ADGRL2: variants seen among roughly 807,000 people sequenced by gnomAD.
ADGRL2 encodes calcium-independent alpha-latrotoxin receptor 2.
A neutral mutation model predicts 157.4 loss-of-function variants in ADGRL2; 44 were observed. The observed-to-expected ratio is 0.28, with a 90% CI of 0.22 to 0.36. The LOEUF is 0.36. ADGRL2 is among the 10% of genes least tolerant of loss of function. The probability of loss-of-function intolerance (pLI) is 1.00; values close to 1 mark genes in which losing one functional copy is unlikely to be tolerated. For synonymous variants in ADGRL2, 585 were observed against 624.7 expected, an observed-to-expected ratio of 0.94 and a Z score of 0.95; for missense variants, 1,510 against 1,768.9, an observed-to-expected ratio of 0.85 and a Z score of 2.63.
chr1:81,419,306 C>A (rs1221575565), intron 1 of ADGRL2, among the ~76,000 whole-genome samples: 2 of 152,142 alleles, frequency 1.3e-5, no homozygotes, highest in Non-Finnish European at 2.9e-5. Context: ...TGGGTTCAAG[C>A]AATTCTCCTG....
chr1:81,653,882 TA>T (rs1010804083), intron 3 of ADGRL2, among the ~76,000 whole-genome samples: 2 of 152,032 alleles, frequency 1.3e-5, no homozygotes, highest in Admixed American at 6.6e-5. Context: ...ACTCTACCTG[TA>T]AAAAAAATAC....
At chr1:81,432,246 G>A (rs528651087) in intron 1 of ADGRL2, among the ~76,000 whole-genome samples, 13 of 152,278 alleles carry the variant, frequency 8.5e-5, no homozygotes, top group African/African-American at 2.4e-4. Flanking sequence ...AGGCAGCATC[G>A]CTTTTCTGAC....
rs34701013 is a variant in ADGRL2, at chr1:81,425,860, A to AATTTATTT, written c.-301-19158_-301-19151dup. 5.0e-3 allele frequency among the ~76,000 whole-genome samples: 753 copies of AATTTATTT among 149,716 alleles called. 1 individual carries two copies. Among genetic ancestry groups the AATTTATTT allele is most frequent in the South Asian group, 0.015 (70 of 4,682 alleles). On this transcript the variant is annotated intron_variant, in intron 1 of 24. Transcript: ENST00000370721. ...AGACAGCTTAACAAAAGAAAATACAAATTTATTTATTTATTTATTTATTTA... is the reference window on the plus strand; with the variant it reads ...AGACAGCTTAACAAAAGAAAATACAAATTTATTTATTTATTTATTTATTTATTTATTTA...
intron 2 of ADGRL2, among the ~76,000 whole-genome samples, chr1:81,904,326 GA>G (rs1188739742): frequency 1.3e-5 from 2 of 152,062 alleles, no homozygotes; most frequent in Non-Finnish European, 2.9e-5. Flanking sequence ...AAAGAATTTA[GA>G]AAAGAACATT....
At chr1:81,410,232 A>G (rs578248936) in intron 1 of ADGRL2, among the ~76,000 whole-genome samples, 1 of 152,350 alleles carries the variant, frequency 6.6e-6, no homozygotes, top group Non-Finnish European at 1.5e-5. Context: ...TCATAGTCAT[A>G]CAATGATTTG....
Position 81,991,871 on chromosome 1 carries a change from C to A in ADGRL2, c.*726C>A, listed in dbSNP as rs1423699202. On this transcript the variant is annotated 3_prime_UTR_variant, in exon 24 of 24. Coordinates refer to ENST00000686636, the MANE Select transcript of ADGRL2 (RefSeq NM_001366006.2). ...AGTGAAGAAAATATTGTGAAAAGCTCTTGGTTGCACATGTTATGAAATGTT... is the reference window on the plus strand; with the variant it reads ...AGTGAAGAAAATATTGTGAAAAGCTATTGGTTGCACATGTTATGAAATGTT... 6.6e-6 allele frequency: 1 copy of A among 152,564 alleles called. No homozygotes were observed. Among genetic ancestry groups the A allele is most frequent in the East Asian group, 1.9e-4 (1 of 5,194 alleles). 9.5% of individuals were successfully genotyped at this position (152,564 alleles called of 1,614,324 possible). A position where few individuals can be genotyped will look rare whatever the true frequency, so the allele number is the denominator to read the frequency against.
intron 3 of ADGRL2, among the ~76,000 whole-genome samples, chr1:81,663,027 A>G (rs999910646): frequency 6.6e-6 from 1 of 151,972 alleles, no homozygotes; most frequent in African/African-American, 2.4e-5. Context: ...CAAGGTACTT[A>G]AACCTTATCT....
intron 1 of ADGRL2, among the ~76,000 whole-genome samples, chr1:81,441,424 C>T (rs752201552): frequency 6.6e-6 from 1 of 152,174 alleles, no homozygotes; most frequent in Non-Finnish European, 1.5e-5. Flanking sequence ...CTAATATCCC[C>T]ATCCCAGAAT....
Position 81,427,049 on chromosome 1 carries a change from C to T in ADGRL2, c.-301-17987C>T, listed in dbSNP as rs184735662. Reference sequence around the variant, plus strand: ...ATAACATTGTTATTCAGAAATACCACACTATTAATGGGCATAATTGTGAAG... The same window carrying T: ...ATAACATTGTTATTCAGAAATACCATACTATTAATGGGCATAATTGTGAAG... On this transcript the variant is annotated intron_variant, in intron 1 of 24. Coordinates refer to the ADGRL2 transcript ENST00000370721. 7.9e-5 allele frequency: 102 copies of T among 1,290,972 alleles called. No homozygotes were observed. In the East Asian group the frequency reaches 2.3e-3, roughly 29 times the overall value. 80.0% of individuals were successfully genotyped at this position (1,290,972 alleles called of 1,614,324 possible).
chr1:81,791,965 G>A (rs1355288564), intron 2 of ADGRL2, among the ~76,000 whole-genome samples: 1 of 152,158 alleles, frequency 6.6e-6, no homozygotes, highest in Non-Finnish European at 1.5e-5. Flanking sequence ...AAATCCTTAT[G>A]TCCTAATTAG....
chr1:81,397,079 A>G (rs2076668140), intron 1 of ADGRL2, among the ~76,000 whole-genome samples: 1 of 152,190 alleles, frequency 6.6e-6, no homozygotes, highest in Admixed American at 6.5e-5. Context: ...TCTTTGGTAT[A>G]ATTCAGCAGT....
At chr1:81,497,504 A>G (rs1026464569) in intron 2 of ADGRL2, among the ~76,000 whole-genome samples, 3 of 152,216 alleles carry the variant, frequency 2.0e-5, no homozygotes, top group Non-Finnish European at 4.4e-5. Flanking sequence ...ATCTTATAGA[A>G]CAAAAATGCT....
chr1:81,534,838 G>C (rs889916181), intron 2 of ADGRL2, among the ~76,000 whole-genome samples: 3 of 152,122 alleles, frequency 2.0e-5, no homozygotes, highest in Non-Finnish European at 4.4e-5. Flanking sequence ...ACAGAATAAT[G>C]CCACTATTCT....
chr1:81,690,495 CAAGAA>C (rs902999109), intron 3 of ADGRL2, among the ~76,000 whole-genome samples: 4 of 152,076 alleles, frequency 2.6e-5, no homozygotes, highest in African/African-American at 9.7e-5. Flanking sequence ...GACTCTGTCT[CAAGAA>C]AAGAAGACTG....
chr1:81,930,595 AT>A (rs1033946024), intron 3 of ADGRL2, among the ~76,000 whole-genome samples: 2 of 152,184 alleles, frequency 1.3e-5, no homozygotes, highest in African/African-American at 4.8e-5. Context: ...TTTTTGAAAT[AT>A]ATGTTGTGCA....
At chr1:81,574,986 C>G (rs539560718) in intron 2 of ADGRL2, among the ~76,000 whole-genome samples, 1 of 152,288 alleles carries the variant, frequency 6.6e-6, no homozygotes, top group Non-Finnish European at 1.5e-5. Flanking sequence ...CCTAAATTTC[C>G]TACATTAAAC....
chr1:81,577,495 A>T (rs1042256489), intron 2 of ADGRL2, among the ~76,000 whole-genome samples: 3 of 152,194 alleles, frequency 2.0e-5, no homozygotes, highest in Non-Finnish European at 4.4e-5. Context: ...TGACAGGCAG[A>T]CATATCAACC....
chr1:81,635,928 A>G (rs906036303), intron 3 of ADGRL2, among the ~76,000 whole-genome samples: 1 of 152,304 alleles, frequency 6.6e-6, no homozygotes, highest in East Asian at 1.9e-4. Context: ...TTATCATTCC[A>G]TGAGTTTATC....
At chr1:81,488,390 A>AC (rs1342658512) in intron 2 of ADGRL2, among the ~76,000 whole-genome samples, 1 of 152,190 alleles carries the variant, frequency 6.6e-6, no homozygotes, top group Non-Finnish European at 1.5e-5. Context: ...TTCCAGAGTT[A>AC]CCACATTATT....
Sources: gnomAD v4.1 joint callset for allele counts (sites outside exome capture counted in the v4.1 genomes callset) on GRCh38, gnomAD v4.1.1 for gene constraint, MANE v1.5 for transcripts, NCBI Gene and HGNC (gene_info 2026-07-23, HGNC 2026-07-21) for gene names.